Variants in KAZN observed in about 807,000 individuals in gnomAD.
The protein encoded by KAZN is kazrin, periplakin interacting protein, also known as kazrin.
A neutral mutation model predicts 87.4 loss-of-function variants in KAZN; 40 were observed. That is an observed-to-expected ratio of 0.46 (90% CI 0.36 to 0.60). The LOEUF is 0.60. Ranked by LOEUF, KAZN falls within the 20% of genes least tolerant of loss-of-function variation. The probability of loss-of-function intolerance (pLI) is 0.00; values close to 1 mark genes in which losing one functional copy is unlikely to be tolerated. For synonymous variants in KAZN, 466 were observed against 458.3 expected (o/e 1.02, Z -0.22); for missense variants, 898 against 1,073.9 (o/e 0.84, Z 2.29).
rs550554797 is a variant in KAZN at position 14,959,545 on chromosome 1, G to A, written c.227-1139G>A. On this transcript the variant is annotated intron_variant, in intron 1 of 14. Transcript: ENST00000376030. ...AAGGCAGTGTGCGGAGGGTGGGGGC[G>A]GCCCGGTGACCAGCATGCGGCTGGT... Among the ~76,000 whole-genome samples, 217 of 152,282 alleles carry A rather than the reference G, an allele frequency of 1.4e-3. 3 individuals carry two copies. Among genetic ancestry groups the A allele is most frequent in the Admixed American group, 0.011 (168 of 15,306 alleles).
chr1:14,496,365 G>A (rs1328487569), intron 2 of KAZN, among the ~76,000 whole-genome samples: 2 of 152,218 alleles, frequency 1.3e-5, no homozygotes, highest in Non-Finnish European at 1.5e-5. Flanking sequence ...GGGGGGAAGG[G>A]AATAACTTAT....
chr1:14,457,201 C>T (rs951798633), intron 2 of KAZN, among the ~76,000 whole-genome samples: 1 of 152,210 alleles, frequency 6.6e-6, no homozygotes, highest in Non-Finnish European at 1.5e-5. Context: ...CCACCAAACT[C>T]GGCATTATCC....
chr1:14,172,377 CTTCA>C (rs1364174276), intron 1 of KAZN, among the ~76,000 whole-genome samples: 1 of 152,124 alleles, frequency 6.6e-6, no homozygotes, highest in Non-Finnish European at 1.5e-5. Flanking sequence ...TCCTTCATTT[CTTCA>C]TTTATTTGTT....
intron 2 of KAZN, among the ~76,000 whole-genome samples, chr1:14,245,853 C>T (rs531241857): frequency 6.6e-6 from 1 of 152,254 alleles, no homozygotes; most frequent in Non-Finnish European, 1.5e-5. Flanking sequence ...GAATAGAAAT[C>T]ATTTTATTAT....
At chr1:14,823,101 TCTC>T (rs200016779) in intron 1 of KAZN, among the ~76,000 whole-genome samples, 2,334 of 152,178 alleles carry the variant, frequency 0.015, 73 homozygotes, top group African/African-American at 0.054. Flanking sequence ...CCAGCCCCGT[TCTC>T]CTCCCTCTGT....
chr1:14,034,251 A>G (rs998265029), intron 1 of KAZN, among the ~76,000 whole-genome samples: 3 of 152,212 alleles, frequency 2.0e-5, no homozygotes, highest in African/African-American at 7.2e-5. Flanking sequence ...GCCAATTTAG[A>G]TGTAGGAGGA....
intron 1 of KAZN, among the ~76,000 whole-genome samples, chr1:14,791,182 C>T (rs1034106965): frequency 6.6e-6 from 1 of 152,208 alleles, no homozygotes; most frequent in Non-Finnish European, 1.5e-5. Flanking sequence ...TGTCCCTTCA[C>T]CCTTAATCTG....
At chr1:13,970,733 TG>T (rs1642108069) in intron 1 of KAZN, among the ~76,000 whole-genome samples, 1 of 152,210 alleles carries the variant, frequency 6.6e-6, no homozygotes, top group African/African-American at 2.4e-5. Context: ...TGACTTTCTT[TG>T]GGAGACTATA....
intron 1 of KAZN, among the ~76,000 whole-genome samples, chr1:13,918,613 TA>T (rs1639946505): frequency 2.0e-5 from 3 of 152,274 alleles, no homozygotes; most frequent in Non-Finnish European, 4.4e-5. Context: ...TTCTACTGTG[TA>T]TAAAATGCAG....
chr1:14,301,795 C>T (rs1654571662), intron 2 of KAZN, among the ~76,000 whole-genome samples: 1 of 152,214 alleles, frequency 6.6e-6, no homozygotes, highest in South Asian at 2.1e-4. Context: ...CTTCCTTTCC[C>T]TACTGGCCCA....
Position 14,996,119 on chromosome 1 carries a change from T to C in KAZN, c.418+35244T>C, listed in dbSNP as rs554417649. The stretch of plus-strand genomic sequence containing the variant: ...CCTGCACAGCAGACGCGAGTGTGCA[T>C]GTCAGTTTCCAGGCTATTTTCTCAC... On this transcript the variant is annotated intron_variant, in intron 2 of 14. Coordinates refer to ENST00000376030, the MANE Select transcript of KAZN (RefSeq NM_201628.3). This position sits in a 1 kb window ranked among gnomAD's most constrained non-coding sequence, Gnocchi z 5.9. Among the ~76,000 whole-genome samples the C allele has an allele frequency of 1.6e-4, 25 of 152,242 alleles. No individual in the cohort carries two copies. The highest frequency in any genetic ancestry group is 5.8e-4 in the African/African-American group (24 of 41,536).
chr1:15,010,050 C>T (rs1036066525), intron 2 of KAZN, among the ~76,000 whole-genome samples: 3 of 152,160 alleles, frequency 2.0e-5, no homozygotes, highest in African/African-American at 7.2e-5. Context: ...AATCAGGATC[C>T]AAATATCCAC....
chr1:14,077,923 C>T (rs1226651397), intron 1 of KAZN, among the ~76,000 whole-genome samples: 4 of 152,078 alleles, frequency 2.6e-5, no homozygotes, highest in African/African-American at 4.8e-5. Flanking sequence ...CCGCCTGCCA[C>T]GGAGAGAAAG....
intron 1 of KAZN, among the ~76,000 whole-genome samples, chr1:13,924,538 C>T (rs1399998047): frequency 6.6e-6 from 1 of 152,200 alleles, no homozygotes; most frequent in Non-Finnish European, 1.5e-5. Context: ...CCGCTTAGGG[C>T]AAACCTGCCT....
At chr1:14,019,224 A>AT (rs1640712249) in intron 1 of KAZN, among the ~76,000 whole-genome samples, 1 of 152,154 alleles carries the variant, frequency 6.6e-6, no homozygotes, top group Non-Finnish European at 1.5e-5. Flanking sequence ...TACCCCAGAT[A>AT]TTTTTTATTA....
intron 2 of KAZN, among the ~76,000 whole-genome samples, chr1:14,419,972 C>T (rs1665272623): frequency 6.6e-6 from 1 of 152,166 alleles, no homozygotes; most frequent in African/African-American, 2.4e-5. Context: ...TAGGGGATTG[C>T]CACTCCCGGC....
At chr1:14,698,808 T>C (rs963702565) in intron 1 of KAZN, among the ~76,000 whole-genome samples, 7 of 152,240 alleles carry the variant, frequency 4.6e-5, no homozygotes, top group Non-Finnish European at 1.0e-4. Context: ...ATGCAAAGAA[T>C]GTCCAAACAC....
At position 14,967,145 on chromosome 1, in the gene KAZN, A is replaced by C. The variant is rs560571504; in HGVS notation, c.418+6270A>C. On this transcript the variant is annotated intron_variant, in intron 2 of 14. Coordinates refer to ENST00000376030, the MANE Select transcript of KAZN (RefSeq NM_201628.3). ...CTCAGGGACCTTGGAGCTTTTCAGC[A>C]GGAGTCACTATGTGAAGTGTGGTGT... Among the ~76,000 whole-genome samples the C allele has an allele frequency of 2.0e-5, 3 of 152,312 alleles. No individual in the cohort carries two copies. The East Asian group carries it at 5.8e-4, about 29-fold the overall frequency.
chr1:14,438,856 A>G (rs891148302), intron 2 of KAZN, among the ~76,000 whole-genome samples: 5 of 152,226 alleles, frequency 3.3e-5, no homozygotes, highest in Non-Finnish European at 7.3e-5. Context: ...AGAAGTTTCC[A>G]GTTTCCTCCG....
Sources: allele counts gnomAD v4.1 joint callset (sites outside exome capture counted in the v4.1 genomes callset), GRCh38; gene constraint gnomAD v4.1.1; non-coding constraint Gnocchi (gnomAD v3.1); transcripts MANE v1.5; gene names NCBI Gene and HGNC (gene_info 2026-07-23, HGNC 2026-07-21).